MICAL2: variants seen among roughly 807,000 people sequenced by gnomAD.
MICAL2 encodes the protein microtubule associated monooxygenase, calponin and LIM domain containing 2.
A neutral mutation model predicts 127.3 loss-of-function variants in MICAL2; 77 were observed. That is an observed-to-expected ratio of 0.60 (90% CI 0.50 to 0.73). MICAL2 has a LOEUF of 0.73. Among genes scored for constraint, MICAL2 ranks in the 30% least tolerant of loss-of-function variants. The probability of loss-of-function intolerance (pLI) is 0.00; values close to 1 mark genes in which losing one functional copy is unlikely to be tolerated. For synonymous variants in MICAL2, 570 were observed against 551.1 expected, an observed-to-expected ratio of 1.03 and a Z score of -0.48; for missense variants, 1,351 against 1,434.4, an observed-to-expected ratio of 0.94 and a Z score of 0.94.
chr11:12,278,167 T>G (rs1863739996), intron 1 of MICAL2, among the ~76,000 whole-genome samples: 1 of 152,204 alleles, frequency 6.6e-6, no homozygotes, highest in African/African-American at 2.4e-5. Flanking sequence ...GCACTTAGGC[T>G]ACCCTACATT....
chr11:12,315,577 T>C (rs1276115945), intron 29 of MICAL2, among the ~76,000 whole-genome samples: 1 of 151,504 alleles, frequency 6.6e-6, no homozygotes, highest in Non-Finnish European at 1.5e-5. Context: ...TTCTAATTTC[T>C]ACTTTAATTC....
chr11:12,232,588 G>A (rs1565213038), intron 15 of MICAL2, among the ~76,000 whole-genome samples: 1 of 152,094 alleles, frequency 6.6e-6, no homozygotes, highest in Non-Finnish European at 1.5e-5. Context: ...CCTGCGTGGT[G>A]GTGCACACCA....
At chr11:12,131,758 T>A (rs1206019542) in intron 1 of MICAL2, among the ~76,000 whole-genome samples, 1 of 152,150 alleles carries the variant, frequency 6.6e-6, no homozygotes, top group African/African-American at 2.4e-5. Context: ...TAGCTCTGTT[T>A]TTTATGAGCT....
chr11:12,217,993 G>A (rs1402993036), intron 8 of MICAL2, among the ~76,000 whole-genome samples: 3 of 152,170 alleles, frequency 2.0e-5, no homozygotes, highest in Non-Finnish European at 4.4e-5. Context: ...CTGGAGGAAT[G>A]GCAAGTTTTC....
At chr11:12,142,994 G>A (rs747602447) in intron 2 of MICAL2, among the ~76,000 whole-genome samples, 3 of 152,260 alleles carry the variant, frequency 2.0e-5, no homozygotes, top group Admixed American at 6.5e-5. Context: ...GGATGCAAAA[G>A]TGAGTAAGAC....
upstream of MICAL2, among the ~76,000 whole-genome samples, chr11:12,271,569 G>A (rs12421088): frequency 0.43 from 65,533 of 152,032 alleles, 14,758 homozygotes; most frequent in Non-Finnish European, 0.49. Flanking sequence ...TGCTAATACC[G>A]TTCTCTTAGG....
intron 21 of MICAL2, among the ~76,000 whole-genome samples, chr11:12,246,981 C>T (rs1408931952): frequency 6.6e-6 from 1 of 152,096 alleles, no homozygotes; most frequent in Non-Finnish European, 1.5e-5. Flanking sequence ...ACCTGGAATG[C>T]TGGGGAGGGA....
intron 15 of MICAL2, among the ~76,000 whole-genome samples, chr11:12,234,859 G>A (rs757087546): frequency 1.3e-5 from 2 of 152,200 alleles, no homozygotes; most frequent in African/African-American, 2.4e-5. Context: ...TCCTGTGATC[G>A]GGTAGGTTAG....
chr11:12,269,688 G>A (rs1590715669), intron 24 of MICAL2, among the ~76,000 whole-genome samples: 3 of 152,290 alleles, frequency 2.0e-5, no homozygotes, highest in East Asian at 3.9e-4. Context: ...GCTGAGGCTC[G>A]GCACTGCCTG....
At chr11:12,262,120 T>C (rs1863197457) in intron 26 of MICAL2, 4 of 1,150,786 alleles carry the variant, frequency 3.5e-6, no homozygotes, top group Non-Finnish European at 4.3e-6. Flanking sequence ...GTTGAACCTT[T>C]CTGGTGGGCA....
chr11:12,226,651 G>GTT (rs202072260), intron 14 of MICAL2, among the ~76,000 whole-genome samples: 24 of 126,364 alleles, frequency 1.9e-4, no homozygotes, highest in African/African-American at 3.0e-4. Flanking sequence ...TTTGTTTTTG[G>GTT]TTTTTTTTTT....
intron 8 of MICAL2, among the ~76,000 whole-genome samples, chr11:12,217,378 G>C (rs71478993): frequency 1.3e-5 from 2 of 152,332 alleles, no homozygotes; most frequent in Admixed American, 1.3e-4. Flanking sequence ...TCTTTGCTGA[G>C]AGCCTGAGTT....
chr11:12,323,855 T>G, intron 30 of MICAL2: 2 of 1,105,282 alleles, frequency 1.8e-6, no homozygotes. Flanking sequence ...GATGTCGTTA[T>G]TTTAGAAGGT....
At chr11:12,261,305 G>A (rs1253412421) in intron 26 of MICAL2, 23 of 985,424 alleles carry the variant, frequency 2.3e-5, no homozygotes, top group Non-Finnish European at 2.8e-5. Flanking sequence ...ACCTCCAGGG[G>A]AAGCTCTACC....
Position 12,330,283 on chromosome 11 carries a change from T to C in MICAL2, c.5515+3017T>C, listed in dbSNP as rs564521753. Among the ~76,000 whole-genome samples the C allele has an allele frequency of 2.0e-5, 3 of 152,318 alleles. No homozygotes were observed. The East Asian group carries it at 5.8e-4, about 29-fold the overall frequency. The stretch of plus-strand genomic sequence containing the variant: ...AATGAATGACCAACGCTTATTAGGT[T>C]AAGTTGTATTTGAGCTGGCCTGTGC... On this transcript the variant is annotated intron_variant, in intron 32 of 34. Coordinates refer to the MICAL2 transcript ENST00000646065.
In MICAL2 at chr11:12,224,757, C is replaced by T. The variant is rs755259273; in HGVS notation, c.1625C>T (p.Thr542Ile). 32 of 1,614,106 alleles carry T rather than the reference C, an allele frequency of 2.0e-5. No homozygotes were observed. Among genetic ancestry groups the T allele is most frequent in the Non-Finnish European group, 2.4e-5 (28 of 1,180,044 alleles). The change falls in exon 13 of 28, where the codon ACC becomes ATC. Residue 542 changes from threonine (T) to isoleucine (I), a missense_variant. Coordinates refer to ENST00000683283, the MANE Select transcript of MICAL2 (RefSeq NM_001282663.2). ...GYQHVNVTDL[T>I]TSWRSGLALC... ...CAGCATGTCAACGTCACCGACCTGA[C>T]CACATCCTGGCGCAGTGGGTTGGCC...
intron 25 of MICAL2, 163 bp from the exon 26 acceptor site, chr11:12,259,632 G>A (rs1389740730): frequency 3.5e-6 from 2 of 568,322 alleles, no homozygotes; most frequent in East Asian, 6.3e-5. Context: ...CTAGAAAAGT[G>A]CCCGTGTTCA....
At chr11:12,278,312 C>G (rs1306091183) in intron 1 of MICAL2, among the ~76,000 whole-genome samples, 1 of 152,150 alleles carries the variant, frequency 6.6e-6, no homozygotes, top group Non-Finnish European at 1.5e-5. Context: ...TATTTTCTTT[C>G]TTTATACCCT....
intron 34 of MICAL2, among the ~76,000 whole-genome samples, chr11:12,357,852 G>GA (rs1939151620): frequency 6.6e-6 from 1 of 151,814 alleles, no homozygotes; most frequent in East Asian, 1.9e-4. Flanking sequence ...AAAGAAAAAA[G>GA]AAAAAAAAGA....
Sources: gnomAD v4.1 joint callset for allele counts (sites outside exome capture counted in the v4.1 genomes callset) on GRCh38, gnomAD v4.1.1 for gene constraint, MANE v1.5 for transcripts, NCBI Gene and HGNC (gene_info 2026-07-23, HGNC 2026-07-21) for gene names.